The following ZFHX3 variants were observed in gnomAD, a reference collection of about 807,000 sequenced individuals.
ZFHX3 encodes zinc finger homeobox 3, also known as zinc finger homeobox protein 3.
Under a neutral mutation model 279.1 loss-of-function variants are expected in ZFHX3, and 42 were observed. The observed-to-expected ratio is 0.15, with a 90% CI of 0.12 to 0.19. ZFHX3 has a LOEUF of 0.19. Ranked by LOEUF, ZFHX3 falls within the 10% of genes least tolerant of loss-of-function variation. The probability of loss-of-function intolerance (pLI) is 1.00; values close to 1 mark genes in which losing one functional copy is unlikely to be tolerated. For synonymous variants in ZFHX3, 2,293 were observed against 1,957.8 expected (o/e 1.17, Z -4.52); for missense variants, 4,981 against 4,754.0 (o/e 1.05, Z -1.40).
At chr16:72,827,713 A>G (rs1411996787) in intron 5 of ZFHX3, among the ~76,000 whole-genome samples, 5 of 152,174 alleles carry the variant, frequency 3.3e-5, no homozygotes, top group African/African-American at 7.2e-5. Flanking sequence ...CCTTCCTTTG[A>G]GCACAGATGT....
intron 1 of ZFHX3, among the ~76,000 whole-genome samples, chr16:73,710,575 G>GGT (rs1183415133): frequency 6.6e-6 from 1 of 152,096 alleles, no homozygotes; most frequent in African/African-American, 2.4e-5. Flanking sequence ...CACTGCAATG[G>GGT]GTGAGCTTCA....
intron 3 of ZFHX3, among the ~76,000 whole-genome samples, chr16:72,923,266 A>G (rs1180657278): frequency 6.6e-6 from 1 of 152,118 alleles, no homozygotes; most frequent in Admixed American, 6.5e-5. Flanking sequence ...CAACATGGCG[A>G]AAGCCCATCT....
chr16:73,859,887 C>T (rs1028062239), intron 1 of ZFHX3, among the ~76,000 whole-genome samples: 2 of 152,152 alleles, frequency 1.3e-5, no homozygotes, highest in South Asian at 2.1e-4. Flanking sequence ...TAACATCCGA[C>T]GAAGTAAAAG....
chr16:73,131,900 CAT>C (rs769780064), intron 6 of ZFHX3, among the ~76,000 whole-genome samples: 14 of 152,100 alleles, frequency 9.2e-5, no homozygotes, highest in Non-Finnish European at 1.0e-4. Context: ...GTGAGGCTCA[CAT>C]GTTTGGGGAT....
intron 1 of ZFHX3, among the ~76,000 whole-genome samples, chr16:72,983,607 T>A (rs9921704): frequency 0.01 from 1,586 of 151,576 alleles, 21 homozygotes; most frequent in African/African-American, 0.034. Flanking sequence ...CTCAGGAGGA[T>A]GAGATAGAAG....
At chr16:73,692,578 A>G (rs1259663111) in intron 1 of ZFHX3, among the ~76,000 whole-genome samples, 2 of 152,222 alleles carry the variant, frequency 1.3e-5, no homozygotes, top group African/African-American at 4.8e-5. Context: ...AACTGCAAGA[A>G]TTACTCTTCC....
chr16:73,398,086 C>A (rs1435774382), intron 3 of ZFHX3, among the ~76,000 whole-genome samples: 1 of 152,200 alleles, frequency 6.6e-6, no homozygotes, highest in African/African-American at 2.4e-5. Context: ...CTCAGGTGAT[C>A]CACCCACCTA....
At chr16:73,361,442 C>T (rs929619849) in intron 3 of ZFHX3, among the ~76,000 whole-genome samples, 6 of 152,210 alleles carry the variant, frequency 3.9e-5, no homozygotes, top group Non-Finnish European at 1.5e-5. Context: ...GCTGAATCGC[C>T]CAGCTGAAAT....
intron 2 of ZFHX3, among the ~76,000 whole-genome samples, chr16:73,646,626 T>C (rs928628044): frequency 1.3e-5 from 2 of 152,180 alleles, no homozygotes; most frequent in African/African-American, 4.8e-5. Flanking sequence ...TATCTGTTCA[T>C]ATGCAGGAGC....
chr16:72,882,977 G>GGGGT (rs1371954934), intron 4 of ZFHX3, among the ~76,000 whole-genome samples: 21 of 65,442 alleles, frequency 3.2e-4, no homozygotes, highest in African/African-American at 5.2e-4. Context: ...ACCACTCTGG[G>GGGGT]GTGTGTGTGT....
chr16:73,740,326 C>T (rs1053400201), intron 1 of ZFHX3, among the ~76,000 whole-genome samples: 2 of 152,050 alleles, frequency 1.3e-5, no homozygotes, highest in Admixed American at 6.5e-5. Context: ...TGAGCAGATA[C>T]GAGGCAGGCT....
chr16:73,613,438 C>CTTTTTTTTT (rs5817854), intron 2 of ZFHX3, among the ~76,000 whole-genome samples: 4 of 149,124 alleles, frequency 2.7e-5, no homozygotes, highest in Admixed American at 6.7e-5. Context: ...TTAGCTTTTG[C>CTTTTTTTTT]TTTTTTTGTT....
intron 3 of ZFHX3, among the ~76,000 whole-genome samples, chr16:73,320,561 C>T (rs572686520): frequency 6.6e-6 from 1 of 152,242 alleles, no homozygotes; most frequent in African/African-American, 2.4e-5. Context: ...CTACTGATGT[C>T]GAAAGGGTGG....
At chr16:73,493,322 T>C (rs994325250) in intron 2 of ZFHX3, among the ~76,000 whole-genome samples, 1 of 152,194 alleles carries the variant, frequency 6.6e-6, no homozygotes. Flanking sequence ...CAGATTTTTC[T>C]CATTATTCTT....
At chr16:73,745,843 G>A (rs1390411023) in intron 1 of ZFHX3, among the ~76,000 whole-genome samples, 2 of 152,096 alleles carry the variant, frequency 1.3e-5, no homozygotes, top group Admixed American at 6.6e-5. Flanking sequence ...GCCTAAGAGT[G>A]TGGCAGTTGG....
intron 5 of ZFHX3, among the ~76,000 whole-genome samples, chr16:73,148,352 C>T (rs1385772906): frequency 1.3e-5 from 2 of 152,168 alleles, no homozygotes; most frequent in Non-Finnish European, 2.9e-5. Flanking sequence ...AATATTTCCC[C>T]AGGAAGCTGA....
intron 3 of ZFHX3, among the ~76,000 whole-genome samples, chr16:73,448,429 A>C (rs2018224544): frequency 6.6e-6 from 1 of 152,202 alleles, no homozygotes; most frequent in African/African-American, 2.4e-5. Flanking sequence ...AAAACTGCGG[A>C]CTAAAATGTC....
intron 1 of ZFHX3, among the ~76,000 whole-genome samples, chr16:73,039,348 C>A (rs1209292047): frequency 1.3e-5 from 2 of 152,188 alleles, no homozygotes; most frequent in Non-Finnish European, 2.9e-5. Flanking sequence ...TACGCAGAGG[C>A]TGCTCAACTC....
At chr16:73,447,160 A>T (rs2018201962) in intron 3 of ZFHX3, among the ~76,000 whole-genome samples, 1 of 150,546 alleles carries the variant, frequency 6.6e-6, no homozygotes, top group Non-Finnish European at 1.5e-5. Flanking sequence ...CAGCCTGGGC[A>T]ACAGAGCAAG....
Sources: gnomAD v4.1 joint callset for allele counts (sites outside exome capture counted in the v4.1 genomes callset) on GRCh38, gnomAD v4.1.1 for gene constraint, MANE v1.5 for transcripts, NCBI Gene and HGNC (gene_info 2026-07-23, HGNC 2026-07-21) for gene names.